The following RAB43 variants were observed in gnomAD, a reference collection of about 807,000 sequenced individuals.
RAB43 encodes RAB43, member RAS oncogene family.
In RAB43, 6 loss-of-function variants were observed where a neutral mutation model predicts 18.8. The observed-to-expected ratio is 0.32, with a 90% confidence interval of 0.17 to 0.63. The LOEUF (loss-of-function observed/expected upper bound fraction) is 0.63, where lower values mean the gene tolerates loss of function less well. Ranked by LOEUF, RAB43 falls within the 30% of genes least tolerant of loss-of-function variation. The pLI is 0.79. For synonymous variants in RAB43, 103 were observed against 124.1 expected, an observed-to-expected ratio of 0.83 and a Z score of 1.13; for missense variants, 195 against 289.1, an observed-to-expected ratio of 0.67 and a Z score of 2.36.
intron 1 of RAB43, among the ~76,000 whole-genome samples, chr3:129,108,878 GGGGCT>G (rs1934957006): frequency 6.6e-6 from 1 of 152,146 alleles, no homozygotes; most frequent in Non-Finnish European, 1.5e-5. Flanking sequence ...CGTGGCACCG[GGGGCT>G]GCCTCCTGTG....
chr3:129,103,229 G>A (rs1934544946), intron 1 of RAB43, among the ~76,000 whole-genome samples: 1 of 152,112 alleles, frequency 6.6e-6, no homozygotes, highest in Non-Finnish European at 1.5e-5. Flanking sequence ...TGCCCTAGCT[G>A]TGCCCTCCTC....
chr3:129,094,690 T>A (rs556877222), intron 2 of RAB43, among the ~76,000 whole-genome samples: 222 of 151,642 alleles, frequency 1.5e-3, no homozygotes, highest in African/African-American at 4.8e-3. Flanking sequence ...AATTTTTTTT[T>A]ATTTTTTTAG....
chr3:129,118,760 C>T (rs1427901328), intron 1 of RAB43, among the ~76,000 whole-genome samples: 3 of 152,168 alleles, frequency 2.0e-5, no homozygotes, highest in Non-Finnish European at 4.4e-5. Context: ...CTCTTGACAT[C>T]CAGCAATCTT....
intron 1 of RAB43, among the ~76,000 whole-genome samples, chr3:129,115,663 A>G (rs1412770693): frequency 6.6e-6 from 1 of 151,860 alleles, no homozygotes; most frequent in African/African-American, 2.4e-5. Context: ...CTACCAAAAA[A>G]TACAAAAATT....
rs1276355547 is a variant in RAB43, at chr3:129,087,765, G to C, written c.*3331C>G. ...CTGACTGAAGCCCTGTTCACCCCAAGTCCAGGCCCTGCAGGGGTCCGAGGG... is the reference window on the plus strand; with the variant it reads ...CTGACTGAAGCCCTGTTCACCCCAACTCCAGGCCCTGCAGGGGTCCGAGGG... On this transcript the variant is annotated 3_prime_UTR_variant, in exon 3 of 3. Coordinates refer to ENST00000315150, the MANE Select transcript of RAB43 (RefSeq NM_198490.3). 6.6e-6 allele frequency: 1 copy of C among 150,926 alleles called. No homozygotes were observed. Among genetic ancestry groups the C allele is most frequent in the East Asian group, 1.9e-4 (1 of 5,166 alleles). 9.3% of individuals were successfully genotyped at this position (150,926 alleles called of 1,614,324 possible). A position where few individuals can be genotyped will look rare whatever the true frequency, so the allele number is the denominator to read the frequency against.
chr3:129,105,329 T>C (rs1934700161), intron 1 of RAB43, among the ~76,000 whole-genome samples: 2 of 152,084 alleles, frequency 1.3e-5, no homozygotes, highest in Non-Finnish European at 2.9e-5. Context: ...GGTACATGTC[T>C]GTCAGCCTGG....
intron 1 of RAB43, among the ~76,000 whole-genome samples, chr3:129,101,534 C>T (rs1458775313): frequency 6.6e-6 from 1 of 152,166 alleles, no homozygotes; most frequent in African/African-American, 2.4e-5. Context: ...GGGGTGGATG[C>T]CAGCCTATTT....
chr3:129,104,479 G>A (rs1314093631), intron 1 of RAB43, among the ~76,000 whole-genome samples: 2 of 152,234 alleles, frequency 1.3e-5, no homozygotes, highest in East Asian at 3.8e-4. Flanking sequence ...CAGAGGGTAT[G>A]GGTAAGGCCT....
intron 1 of RAB43, among the ~76,000 whole-genome samples, chr3:129,101,917 A>G (rs1468626424): frequency 6.6e-6 from 1 of 152,172 alleles, no homozygotes; most frequent in Non-Finnish European, 1.5e-5. Context: ...TGCAGCAACC[A>G]GCTTTGCACA....
chr3:129,116,543 A>G (rs1007622957), intron 1 of RAB43, among the ~76,000 whole-genome samples: 12 of 152,240 alleles, frequency 7.9e-5, no homozygotes, highest in African/African-American at 2.9e-4. Context: ...AACTTTAACC[A>G]GAAACCATTT....
Position 129,095,752 on chromosome 3 carries a change from TGGCCAAAGCAAGGA to T in RAB43, c.205-597_205-584del, listed in dbSNP as rs1454839421. ...GCAGTTTCCACCAGCTGACCCAGCTTGGCCAAAGCAAGGAGCTTTGGCCACCCATGTCTTCATTT... is the reference window on the plus strand; with the variant it reads ...GCAGTTTCCACCAGCTGACCCAGCTTGCTTTGGCCACCCATGTCTTCATTT... On this transcript the variant is annotated intron_variant, in intron 1 of 2. Coordinates refer to ENST00000315150, the MANE Select transcript of RAB43 (RefSeq NM_198490.3). This position sits in a 1 kb window ranked among gnomAD's most constrained non-coding sequence, Gnocchi z 4.2. Among the ~76,000 whole-genome samples, 1 of 152,172 alleles carries T rather than the reference TGGCCAAAGCAAGGA, an allele frequency of 6.6e-6. No individual in the cohort carries two copies. Among genetic ancestry groups the T allele is most frequent in the African/African-American group, 2.4e-5 (1 of 41,446 alleles).
intron 1 of RAB43, among the ~76,000 whole-genome samples, chr3:129,117,140 T>G (rs1042082720): frequency 6.6e-6 from 1 of 152,246 alleles, no homozygotes; most frequent in African/African-American, 2.4e-5. Context: ...GGGAGACTTT[T>G]CACTATATAT....
At chr3:129,117,005 G>C (rs1375381768) in intron 1 of RAB43, among the ~76,000 whole-genome samples, 1 of 151,962 alleles carries the variant, frequency 6.6e-6, no homozygotes, top group Non-Finnish European at 1.5e-5. Flanking sequence ...CATCTAGGGA[G>C]GAAAACAGTA....
intron 1 of RAB43, among the ~76,000 whole-genome samples, chr3:129,106,400 T>C (rs1934784985): frequency 6.6e-6 from 1 of 152,138 alleles, no homozygotes; most frequent in African/African-American, 2.4e-5. Flanking sequence ...GAGGTGGAGT[T>C]TGTGGGCCAT....
Position 129,095,129 on chromosome 3 carries a change from G to A in RAB43, c.245C>T (p.Thr82Ile). Reference protein sequence around the residue: ...WDTAGQERFRTITQSYYRSAN... With the variant: ...WDTAGQERFRIITQSYYRSAN... ...ACTGCGGTAGTAGCTCTGGGTGATG[G>A]TGCGGAACCGCTCCTGGCCGGCCGT... The change falls in exon 2 of 3, where the codon ACC becomes ATC. Residue 82 changes from threonine to isoleucine, a missense_variant. Physicochemically the swap from Thr to Ile is moderately conservative, Grantham distance 89. Transcript: ENST00000315150. This position sits in a 1 kb window ranked among gnomAD's most constrained non-coding sequence, Gnocchi z 4.2. 1 of 1,613,592 alleles carries A rather than the reference G, an allele frequency of 6.2e-7. No individual in the cohort carries two copies. The highest frequency in any genetic ancestry group is 8.5e-7 in the Non-Finnish European group (1 of 1,179,770).
chr3:129,091,112 C>G lies in RAB43; in HGVS notation c.623G>C (p.Trp208Ser), dbSNP rs1933614828. The G allele has an allele frequency of 6.2e-7, 1 of 1,605,368 alleles. No homozygotes were observed. The highest frequency in any genetic ancestry group is 8.5e-7 in the Non-Finnish European group (1 of 1,177,426). The change falls in exon 3 of 3, where the codon TGG becomes TCG. Residue 208 changes from tryptophan to serine, a missense_variant. Transcript: ENST00000315150. ...GGCCCCTGGTCAGCACCCGCAGCCC[C>G]AGCCTTCTCCGATGTCCTTGCTGTT... ...QLNSKDIGEG[W>S]GCGC
At chr3:129,101,603 C>T (rs753540508) in intron 1 of RAB43, among the ~76,000 whole-genome samples, 4 of 152,128 alleles carry the variant, frequency 2.6e-5, no homozygotes, top group African/African-American at 7.2e-5. Context: ...ACCACATGGA[C>T]GGTGTTCAGG....
Position 129,095,227 on chromosome 3 carries a change from C to A in RAB43, c.205-58G>T. The stretch of plus-strand genomic sequence containing the variant: ...GGCACAGGCTGAACATGGGGACAGG[C>A]AGAGTGACCCCACAGACCCACACCC... On this transcript the variant is annotated intron_variant, in intron 1 of 2. Coordinates refer to ENST00000315150, the MANE Select transcript of RAB43 (RefSeq NM_198490.3). This position sits in a 1 kb window ranked among gnomAD's most constrained non-coding sequence, Gnocchi z 4.2. The A allele has an allele frequency of 1.3e-6, 2 of 1,573,974 alleles. No individual in the cohort carries two copies. The highest frequency in any genetic ancestry group is 1.2e-5 in the South Asian group (1 of 83,786).
rs1045751723 is a variant in RAB43, at chr3:129,113,689, T to A, written c.204+7597A>T. 3.3e-5 allele frequency among the ~76,000 whole-genome samples: 5 copies of A among 152,182 alleles called. No individual in the cohort carries two copies. The South Asian group carries it at 1.0e-3, about 32-fold the overall frequency. On this transcript the variant is annotated intron_variant, in intron 1 of 2. Transcript: ENST00000315150. ...TTTAATGGTATCTGGATAGGAGCTATTAATGGCAAACGGTCCTTATTCATG... is the reference window on the plus strand; with the variant it reads ...TTTAATGGTATCTGGATAGGAGCTAATAATGGCAAACGGTCCTTATTCATG...
Sources: gnomAD v4.1 joint callset for allele counts (sites outside exome capture counted in the v4.1 genomes callset) on GRCh38, gnomAD v4.1.1 for gene constraint, Gnocchi (gnomAD v3.1) non-coding constraint, MANE v1.5 for transcripts, NCBI Gene and HGNC (gene_info 2026-07-23, HGNC 2026-07-21) for gene names.